GALNS: variants seen among roughly 807,000 people sequenced by gnomAD.
GALNS encodes the protein galactosamine (N-acetyl)-6-sulfatase.
Under a neutral mutation model 65.9 loss-of-function variants are expected in GALNS, and 65 were observed. That is an observed-to-expected ratio of 0.99 (90% CI 0.81 to 1.21). The LOEUF is 1.21. Ranked by LOEUF, GALNS falls within the 50% of genes most tolerant of loss-of-function variation. The pLI is 0.00. For missense variants in GALNS, 776 were observed against 700.7 expected (o/e 1.11, Z -1.21); for synonymous variants, 346 against 288.9 (o/e 1.20, Z -2.00).
Position 88,824,849 on chromosome 16 carries a change from C to A in GALNS, c.1160G>T (p.Gly387Val), listed in dbSNP as rs1567519317. ...GAGGGTGGCCGCCATCAGCGTGTCG[C>A]CACGGTAATAGAAGATAGGCCTGTG... is the stretch of plus-strand genomic sequence containing the variant. ...LMDRPIFYYRGDTLMAATLGQ... is the reference protein window; with the variant it reads ...LMDRPIFYYRVDTLMAATLGQ... Residue 387 changes from glycine to valine, a missense_variant, in exon 11 of 14, where the codon GGC (glycine) becomes GTC (valine). Physicochemically the swap from Gly to Val is moderately radical, Grantham distance 109 (BLOSUM62 -3). Transcript: ENST00000268695. The A allele has an allele frequency of 4.3e-6, 7 of 1,613,328 alleles. No individual in the cohort carries two copies. The highest frequency in any genetic ancestry group is 5.9e-6 in the Non-Finnish European group (7 of 1,179,996).
At chr16:88,839,353 G>T (rs921671253) in intron 4 of GALNS, among the ~76,000 whole-genome samples, 1 of 152,254 alleles carries the variant, frequency 6.6e-6, no homozygotes, top group Non-Finnish European at 1.5e-5. Flanking sequence ...CAGCACAAAG[G>T]CCTTGCTCAG....
rs1202367465 is a variant in GALNS at position 88,822,661 on chromosome 16, T to C, written c.1292A>G (p.Asn431Ser). ...GGGCAGCTTCGTGTGGTCTTCCAGA[T>C]TGTGAGTTGTGACCCCTGAAACGTT... is the stretch of plus-strand genomic sequence containing the variant. ...GQNVSGVTTHNLEDHTKLPLI... is the reference protein window; with the variant it reads ...GQNVSGVTTHSLEDHTKLPLI... The change falls in exon 12 of 14, where the codon AAT becomes AGT. Residue 431 changes from asparagine to serine, a missense_variant. Transcript: ENST00000268695. 1.2e-6 allele frequency: 2 copies of C among 1,612,990 alleles called. No homozygotes were observed. The highest frequency in any genetic ancestry group is 1.7e-6 in the Non-Finnish European group (2 of 1,179,726).
intron 12 of GALNS, among the ~76,000 whole-genome samples, chr16:88,820,982 G>A (rs1184181653): frequency 6.6e-6 from 1 of 152,134 alleles, no homozygotes; most frequent in Non-Finnish European, 1.5e-5. Flanking sequence ...TGCGGGCACA[G>A]GGGGCTCCCA....
Position 88,822,618 on chromosome 16 carries a change from T to C in GALNS, c.1335A>G (p.Gly445=), listed in dbSNP as rs2142992319. Residue 445 remains glycine, a synonymous_variant, in exon 12 of 14, where the codon GGA becomes GGG. Coordinates refer to ENST00000268695, the MANE Select transcript of GALNS (RefSeq NM_000512.5). ...GGGGGAACCTCTCCCCTGGGTCCCGTCCCAGGTGGAAGATCAGGGGCAGCT... is the reference window on the plus strand; with the variant it reads ...GGGGGAACCTCTCCCCTGGGTCCCGCCCCAGGTGGAAGATCAGGGGCAGCT... ...HTKLPLIFHL[G]RDPGERFPLS... is the part of the protein sequence containing the mutation. The C allele has an allele frequency of 6.2e-7, 1 of 1,612,742 alleles. No homozygotes were observed. Among genetic ancestry groups the C allele is most frequent in the Middle Eastern group, 1.6e-4 (1 of 6,062 alleles).
intron 8 of GALNS, among the ~76,000 whole-genome samples, chr16:88,834,391 G>GC (rs145048971): frequency 1.2e-4 from 9 of 74,028 alleles, no homozygotes; most frequent in Non-Finnish European, 1.9e-4. Context: ...AGGCTGCAGG[G>GC]CCCCCCCGCG....
intron 1 of GALNS, 132 bp downstream of exon 1, chr16:88,856,626 C>A (rs1257117763): frequency 3.8e-6 from 2 of 531,668 alleles, no homozygotes; most frequent in African/African-American, 2.1e-5. Context: ...GGGCCTCCCC[C>A]CTTCCCCAAG....
chr16:88,843,077 C>T, intron 1 of GALNS: 5 of 1,508,788 alleles, frequency 3.3e-6, no homozygotes, highest in Non-Finnish European at 4.4e-6. Flanking sequence ...CCACGGTCAG[C>T]CCACGCTGTC....
intron 4 of GALNS, 101 bp from the exon 5 acceptor site, chr16:88,837,866 G>T: frequency 1.6e-6 from 2 of 1,274,224 alleles, no homozygotes; most frequent in East Asian, 2.3e-5. Flanking sequence ...TTGGTAAGAC[G>T]AGCACCCTCC....
chr16:88,830,875 CT>C (rs1387581420), intron 9 of GALNS, among the ~76,000 whole-genome samples: 1 of 151,864 alleles, frequency 6.6e-6, no homozygotes, highest in African/African-American at 2.4e-5. Flanking sequence ...AGAAGATGTG[CT>C]TTGGGGGAAA....
chr16:88,842,536 A>G (rs921826834), intron 2 of GALNS, 170 bp downstream of exon 2: 7 of 794,064 alleles, frequency 8.8e-6, no homozygotes, highest in South Asian at 7.1e-5. Context: ...CATGGCACGG[A>G]GCCGGGCTGG....
intron 13 of GALNS, chr16:88,816,103 C>T: frequency 1.0e-6 from 1 of 985,338 alleles, no homozygotes; most frequent in Non-Finnish European, 1.2e-6. Flanking sequence ...CCCAGTGGCT[C>T]AGCTCGCCAG....
intron 1 of GALNS, 184 bp downstream of exon 1, chr16:88,856,574 C>A (rs1366077133): frequency 3.5e-6 from 2 of 577,676 alleles, no homozygotes; most frequent in East Asian, 3.4e-5. Context: ...CCTCCCCGCA[C>A]GGGGATACCC....
In GALNS at chr16:88,835,482, G is replaced by A. The variant is rs1364472937; in HGVS notation, c.759-130C>T. On this transcript the variant is annotated intron_variant, in intron 7 of 13. Transcript: ENST00000268695. Reference sequence around the variant, plus strand: ...TTCACAGACCACAGTGAAACTGGCCGGCCTCTTCCCAGAAGAGGAATGGCC... The same window carrying A: ...TTCACAGACCACAGTGAAACTGGCCAGCCTCTTCCCAGAAGAGGAATGGCC... The A allele has an allele frequency of 9.0e-6, 12 of 1,338,262 alleles. No individual in the cohort carries two copies. The Admixed American group carries it at 1.2e-4, about 13-fold the overall frequency. 82.9% of individuals were successfully genotyped at this position (1,338,262 alleles called of 1,614,324 possible).
At chr16:88,836,772 G>A (rs952539686) in intron 5 of GALNS, among the ~76,000 whole-genome samples, 4 of 152,230 alleles carry the variant, frequency 2.6e-5, no homozygotes, top group Admixed American at 1.3e-4. Context: ...GGCTGAGGCC[G>A]GTGCTGCAAT....
chr16:88,853,734 G>A (rs904077225), intron 1 of GALNS, among the ~76,000 whole-genome samples: 3 of 152,210 alleles, frequency 2.0e-5, no homozygotes, highest in African/African-American at 7.2e-5. Flanking sequence ...CGCAGCAGGT[G>A]CCCAGGGTAC....
chr16:88,820,797 G>A (rs933139154), intron 12 of GALNS, among the ~76,000 whole-genome samples: 6 of 152,230 alleles, frequency 3.9e-5, no homozygotes, highest in Admixed American at 2.0e-4. Context: ...AGGGGGCACC[G>A]CCATCCAGGC....
intron 8 of GALNS, among the ~76,000 whole-genome samples, chr16:88,832,367 G>C (rs1203196019): frequency 6.6e-6 from 1 of 152,196 alleles, no homozygotes; most frequent in Non-Finnish European, 1.5e-5. Flanking sequence ...AAGACTCAGA[G>C]AGGTACACTC....
chr16:88,816,509 A>AGGGGGGGGGGG, intron 13 of GALNS: 1 of 793,106 alleles, frequency 1.3e-6, no homozygotes, highest in Non-Finnish European at 1.5e-6. Context: ...GAAACTTGCC[A>AGGGGGGGGGGG]GGCACCCCCG....
At chr16:88,854,156 C>T (rs547602271) in intron 1 of GALNS, among the ~76,000 whole-genome samples, 44 of 152,316 alleles carry the variant, frequency 2.9e-4, no homozygotes, top group Middle Eastern at 6.8e-3. Context: ...CATGCACACT[C>T]GTCCTCAAGT....
Sources: gnomAD v4.1 joint callset for allele counts (sites outside exome capture counted in the v4.1 genomes callset) on GRCh38, gnomAD v4.1.1 for gene constraint, MANE v1.5 for transcripts, NCBI Gene and HGNC (gene_info 2026-07-23, HGNC 2026-07-21) for gene names.